The following PPP2R3C variants were observed in gnomAD, a reference collection of about 807,000 sequenced individuals.
The protein encoded by PPP2R3C is protein phosphatase 2 regulatory subunit B''gamma.
PPP2R3C carries 47 observed loss-of-function variants against 63.7 expected under a neutral mutation model. That is an observed-to-expected ratio of 0.74 (90% CI 0.58 to 0.94). PPP2R3C has a LOEUF of 0.94. Ranked by LOEUF, PPP2R3C falls within the 40% of genes least tolerant of loss-of-function variation. The probability of loss-of-function intolerance (pLI) is 0.00; values close to 1 mark genes in which losing one functional copy is unlikely to be tolerated. For synonymous variants in PPP2R3C, 180 were observed against 177.4 expected (o/e 1.01, Z -0.12); for missense variants, 421 against 518.4 (o/e 0.81, Z 1.82).
chr14:35,108,391 C>CTT (rs10656897), intron 4 of PPP2R3C, among the ~76,000 whole-genome samples, 155 bp from the exon 5 acceptor site: 169 of 145,988 alleles, frequency 1.2e-3, no homozygotes, highest in African/African-American at 3.7e-3. Context: ...TTAAGTCAAA[C>CTT]TTTTTTTTTT....
chr14:35,101,586 T>A (rs561014975), intron 6 of PPP2R3C: 2 of 152,356 alleles, frequency 1.3e-5, no homozygotes, highest in East Asian at 3.9e-4. Flanking sequence ...AGAAGCACTG[T>A]GAAAAAATTA....
At chr14:35,111,806 T>C (rs1403234305) in intron 2 of PPP2R3C, among the ~76,000 whole-genome samples, 1 of 152,162 alleles carries the variant, frequency 6.6e-6, no homozygotes, top group East Asian at 1.9e-4. Context: ...TCTATATCCC[T>C]GTGATTCCAT....
chr14:35,102,025 CT>C (rs2046209107), intron 6 of PPP2R3C: 1 of 138,986 alleles, frequency 7.2e-6, no homozygotes, highest in African/African-American at 2.8e-5. Context: ...TGGTTTCTCT[CT>C]CTCTTTTTTT....
chr14:35,091,262 G>A (rs571246226), intron 10 of PPP2R3C, 55 bp from the exon 11 acceptor site: 2 of 1,451,232 alleles, frequency 1.4e-6, no homozygotes, highest in South Asian at 1.3e-5. Context: ...TAACTTTCAA[G>A]TGAATATCTT....
At chr14:35,106,638 G>A (rs2046368023) in intron 6 of PPP2R3C, among the ~76,000 whole-genome samples, 1 of 145,012 alleles carries the variant, frequency 6.9e-6, no homozygotes, top group African/African-American at 2.6e-5. Flanking sequence ...GAATACAGGC[G>A]TGAGCCACTG....
chr14:35,086,644 T>C (rs1382197289), intron 12 of PPP2R3C: 1 of 152,696 alleles, frequency 6.5e-6, no homozygotes, highest in Non-Finnish European at 1.5e-5. Context: ...ATTACAGGCG[T>C]GTGCCACCAC....
At chr14:35,106,797 A>C (rs1250686905) in intron 6 of PPP2R3C, among the ~76,000 whole-genome samples, 1 of 150,106 alleles carries the variant, frequency 6.7e-6, no homozygotes, top group Non-Finnish European at 1.5e-5. Context: ...CCTTCCAAGT[A>C]GCTGGGATTA....
chr14:35,090,286 AGCTAGAAT>A (rs2045762142), intron 11 of PPP2R3C, among the ~76,000 whole-genome samples: 1 of 144,284 alleles, frequency 6.9e-6, no homozygotes, highest in Non-Finnish European at 1.5e-5. Flanking sequence ...TTGCTGCCCA[AGCTAGAAT>A]GCAGTGACGC....
chr14:35,093,321 T>C (rs1279304173), intron 10 of PPP2R3C, among the ~76,000 whole-genome samples: 1 of 152,164 alleles, frequency 6.6e-6, no homozygotes, highest in African/African-American at 2.4e-5. Context: ...AAAAATTTTA[T>C]ATTCTTAGAA....
chr14:35,097,412 G>C (rs2046033582), intron 7 of PPP2R3C, among the ~76,000 whole-genome samples: 1 of 152,072 alleles, frequency 6.6e-6, no homozygotes, highest in South Asian at 2.1e-4. Flanking sequence ...GGCAGGTTCT[G>C]GACTAGAAAG....
At chr14:35,111,784 C>T (rs965110967) in intron 2 of PPP2R3C, among the ~76,000 whole-genome samples, 3 of 152,144 alleles carry the variant, frequency 2.0e-5, no homozygotes, top group African/African-American at 7.2e-5. Context: ...ACGCAAGGAC[C>T]AGGACTGTTT....
chr14:35,088,051 T>C, intron 11 of PPP2R3C, 41 bp from the exon 12 acceptor site: 1 of 1,400,680 alleles, frequency 7.1e-7, no homozygotes, highest in East Asian at 2.3e-5. Context: ...AAAAATGAAA[T>C]ACACAACATC....
intron 2 of PPP2R3C, 126 bp from the exon 3 acceptor site, chr14:35,110,755 T>C: frequency 3.2e-6 from 2 of 619,776 alleles, no homozygotes. Context: ...ACCTTAATTG[T>C]GCTTAACATT....
Position 35,116,606 on chromosome 14 carries a change from T to C in PPP2R3C, c.186+4A>G. The C allele has an allele frequency of 6.3e-7, 1 of 1,583,496 alleles. No homozygotes were observed. The highest frequency in any genetic ancestry group is 8.6e-7 in the Non-Finnish European group (1 of 1,165,288). On this transcript the variant is annotated splice_donor_region_variant and intron_variant, in intron 2 of 12. Coordinates refer to ENST00000261475, the MANE Select transcript of PPP2R3C (RefSeq NM_017917.4). ...TGCAGGACATTTGATTAGACACTAC[T>C]TACCCTATAATAAAACCGGGGAATG... is the stretch of plus-strand genomic sequence containing the variant.
chr14:35,116,086 AACTTTGTGTTTACATACCC>A (rs2046702669), intron 2 of PPP2R3C, among the ~76,000 whole-genome samples: 1 of 152,156 alleles, frequency 6.6e-6, no homozygotes. Context: ...ACAGTTTAAC[AACTTTGTGTTTACATACCC>A]ACTTAAATCT....
Position 35,085,535 on chromosome 14 carries a change from T to A in PPP2R3C, c.*55A>T. On this transcript the variant is annotated 3_prime_UTR_variant, in exon 13 of 13. Transcript: ENST00000261475. ...TTTCTGAGGATTTTGCTTTAAAGGCTTTACATGCAGCATTCAAGTATCTCA... is the reference window on the plus strand; with the variant it reads ...TTTCTGAGGATTTTGCTTTAAAGGCATTACATGCAGCATTCAAGTATCTCA... 6.9e-7 allele frequency: 1 copy of A among 1,456,792 alleles called. No homozygotes were observed. Among genetic ancestry groups the A allele is most frequent in the East Asian group, 2.3e-5 (1 of 42,794 alleles). 90.2% of individuals were successfully genotyped at this position (1,456,792 alleles called of 1,614,324 possible).
rs544855044 is a variant in PPP2R3C at position 35,121,770 on chromosome 14, C to G, written c.58+132G>C. On this transcript the variant is annotated intron_variant, in intron 1 of 12. Transcript: ENST00000261475. ...CGGGATCCTTAAACCACATTCCACT[C>G]CGCCTCCTTTGTCGGGAGGTTTCAC... The G allele has an allele frequency of 8.0e-5, 81 of 1,014,626 alleles. 2 individuals are homozygous for G. In the South Asian group the frequency reaches 1.2e-3, roughly 14 times the overall value. 62.9% of individuals were successfully genotyped at this position (1,014,626 alleles called of 1,614,324 possible).
At chr14:35,120,290 C>T (rs1324450233) in intron 1 of PPP2R3C, among the ~76,000 whole-genome samples, 1 of 151,840 alleles carries the variant, frequency 6.6e-6, no homozygotes, top group African/African-American at 2.4e-5. Flanking sequence ...GTCGCCCAGG[C>T]CGGAGTGCAG....
At chr14:35,114,753 G>A (rs112800771) in intron 2 of PPP2R3C, among the ~76,000 whole-genome samples, 25,759 of 152,078 alleles carry the variant, frequency 0.17, 2,438 homozygotes, top group East Asian at 0.31. Flanking sequence ...AGCACTTTGG[G>A]AGGCCGAGGC....
Sources: gnomAD v4.1 joint callset for allele counts (sites outside exome capture counted in the v4.1 genomes callset) on GRCh38, gnomAD v4.1.1 for gene constraint, MANE v1.5 for transcripts, NCBI Gene and HGNC (gene_info 2026-07-23, HGNC 2026-07-21) for gene names.